Variants in USP46 observed in about 807,000 individuals in gnomAD.
USP46 encodes the protein ubiquitin carboxyl-terminal hydrolase 46.
USP46 carries 12 observed loss-of-function variants against 44.4 expected under a neutral mutation model. That is an observed-to-expected ratio of 0.27 (90% confidence interval 0.17 to 0.44). The LOEUF is 0.44. Among genes scored for constraint, USP46 ranks in the 20% least tolerant of loss-of-function variants. USP46 has a pLI of 1.00. For missense variants in USP46, 248 were observed against 444.8 expected (o/e 0.56, Z 3.98); for synonymous variants, 155 against 161.5 (o/e 0.96, Z 0.31).
intron 1 of USP46, among the ~76,000 whole-genome samples, chr4:52,632,985 A>AAGG (rs1717948812): frequency 3.8e-5 from 2 of 53,292 alleles, no homozygotes; most frequent in Non-Finnish European, 7.1e-5. Flanking sequence ...AGAAAGAAAG[A>AAGG]AAAGAAAAGA....
At chr4:52,628,330 G>C (rs960072739) in intron 2 of USP46, 167 bp from the exon 3 acceptor site, 57 of 601,980 alleles carry the variant, frequency 9.5e-5, no homozygotes, top group Admixed American at 3.0e-5. Context: ...CTAAACACCA[G>C]TGACCATCTG....
At chr4:52,617,666 GT>G (rs1290722135) in intron 4 of USP46, among the ~76,000 whole-genome samples, 4 of 152,134 alleles carry the variant, frequency 2.6e-5, no homozygotes, top group South Asian at 2.1e-4. Flanking sequence ...AAATAATGTG[GT>G]TTTTTTGGGG....
intron 5 of USP46, among the ~76,000 whole-genome samples, chr4:52,608,811 G>T (rs1302051550): frequency 2.0e-5 from 3 of 152,158 alleles, no homozygotes; most frequent in Non-Finnish European, 4.4e-5. Flanking sequence ...CATCGGCACT[G>T]GGAGAATGGG....
intron 1 of USP46, among the ~76,000 whole-genome samples, chr4:52,645,894 T>C (rs1270025730): frequency 2.0e-5 from 3 of 152,094 alleles, no homozygotes; most frequent in Non-Finnish European, 4.4e-5. Context: ...TGTTTGAAAG[T>C]GTGTGGCACT....
chr4:52,601,802 C>T (rs1560390623), intron 7 of USP46, 55 bp downstream of exon 7: 14 of 1,551,716 alleles, frequency 9.0e-6, no homozygotes, highest in East Asian at 4.5e-5. Flanking sequence ...TATACTTCAG[C>T]GAAGAGGCAA....
At chr4:52,605,408 C>T (rs1198222085) in intron 5 of USP46, among the ~76,000 whole-genome samples, 1 of 152,148 alleles carries the variant, frequency 6.6e-6, no homozygotes, top group African/African-American at 2.4e-5. Flanking sequence ...GCTTCAAAGG[C>T]TGAAAAGAAC....
rs28482298 is a variant in USP46 at position 52,597,558 on chromosome 4, G to A, written c.*82C>T. 6,969 of 918,348 alleles carry A rather than the reference G, an allele frequency of 7.6e-3. 94 individuals are homozygous for A. The highest frequency in any genetic ancestry group is 0.047 in the East Asian group (1,767 of 37,546). 56.9% of individuals were successfully genotyped at this position (918,348 alleles called of 1,614,324 possible). A position where few individuals can be genotyped will look rare whatever the true frequency, so the allele number is the denominator to read the frequency against. On this transcript the variant is annotated 3_prime_UTR_variant, in exon 9 of 9. Transcript: ENST00000441222. ...AGTGATACCATTAGTGGGCCACTGG[G>A]GAAGAGGAAAGCCTGCGGAGAAGCC... is the stretch of plus-strand genomic sequence containing the variant.
At chr4:52,626,592 G>A (rs867215848) in intron 3 of USP46, among the ~76,000 whole-genome samples, 2 of 151,952 alleles carry the variant, frequency 1.3e-5, no homozygotes, top group Middle Eastern at 3.2e-3. Context: ...CAAAGTGCCG[G>A]GATTACAGAC....
intron 1 of USP46, among the ~76,000 whole-genome samples, chr4:52,645,150 G>T (rs569392673): frequency 1.3e-5 from 2 of 151,354 alleles, no homozygotes; most frequent in Non-Finnish European, 2.9e-5. Flanking sequence ...GCTTGAACCC[G>T]GGAGGCAGAA....
In USP46 at chr4:52,658,535, T is replaced by G. The variant is rs574484193; in HGVS notation, c.36+580A>C. Among the ~76,000 whole-genome samples, 4 of 152,346 alleles carry G rather than the reference T, an allele frequency of 2.6e-5. No individual in the cohort carries two copies. In the South Asian group the frequency reaches 8.3e-4, roughly 32 times the overall value. ...TTTCACAGATGGGGAAACTGAGGCATGCGGAGCAAATTACGGTGCTTTTTC... is the reference window on the plus strand; with the variant it reads ...TTTCACAGATGGGGAAACTGAGGCAGGCGGAGCAAATTACGGTGCTTTTTC... On this transcript the variant is annotated intron_variant, in intron 1 of 8. Coordinates refer to ENST00000441222, the MANE Select transcript of USP46 (RefSeq NM_022832.4).
chr4:52,640,256 G>C (rs1370956246), intron 1 of USP46, among the ~76,000 whole-genome samples: 1 of 152,104 alleles, frequency 6.6e-6, no homozygotes, highest in South Asian at 2.1e-4. Context: ...CTGTAAATGT[G>C]GTTCATTCCA....
At chr4:52,644,092 C>T (rs1388325602) in intron 1 of USP46, among the ~76,000 whole-genome samples, 2 of 152,144 alleles carry the variant, frequency 1.3e-5, no homozygotes, top group African/African-American at 4.8e-5. Flanking sequence ...CATATCACCA[C>T]GGAGCCCCTG....
At chr4:52,628,865 C>G (rs1301898549) in intron 2 of USP46, among the ~76,000 whole-genome samples, 1 of 152,180 alleles carries the variant, frequency 6.6e-6, no homozygotes, top group Non-Finnish European at 1.5e-5. Context: ...AAGTTCCTAG[C>G]CTGCAATCAC....
Position 52,659,132 on chromosome 4 carries a change from C to A in USP46, c.19G>T (p.Ala7Ser). MTVRNI[A>S]SICNMGTNAS... ...CCACTCACCATATTACAGATGGAGG[C>A]GATGTTTCGGACAGTCATTAGTCTA... Residue 7 changes from alanine to serine, a missense_variant, in exon 1 of 9, where the codon GCC (alanine) becomes TCC (serine). Physicochemically the swap from Ala to Ser is moderately conservative, Grantham distance 99. This residue lies in a region of USP46 where 31 missense variants were observed against 32.5 expected (regional missense o/e 0.96). Coordinates refer to ENST00000441222, the MANE Select transcript of USP46 (RefSeq NM_022832.4). This position sits in a 1 kb window ranked among gnomAD's most constrained non-coding sequence, Gnocchi z 4.2. 6.4e-7 allele frequency: 1 copy of A among 1,568,478 alleles called. No individual in the cohort carries two copies. Among genetic ancestry groups the A allele is most frequent in the Non-Finnish European group, 8.6e-7 (1 of 1,158,516 alleles).
intron 1 of USP46, among the ~76,000 whole-genome samples, chr4:52,649,432 C>A (rs1193124825): frequency 6.6e-6 from 1 of 152,194 alleles, no homozygotes; most frequent in Non-Finnish European, 1.5e-5. Flanking sequence ...AAACAGGATT[C>A]TGAATTCCAA....
chr4:52,606,427 A>G (rs1253003730), intron 5 of USP46, among the ~76,000 whole-genome samples: 1 of 152,240 alleles, frequency 6.6e-6, no homozygotes, highest in Non-Finnish European at 1.5e-5. Context: ...CCTCACAATC[A>G]TGGCAGAAGG....
chr4:52,598,495 T>G (rs1203567102), intron 8 of USP46, 133 bp downstream of exon 8: 26 of 1,013,214 alleles, frequency 2.6e-5, no homozygotes, highest in Admixed American at 2.5e-4. Context: ...AATTTGGTTT[T>G]GAATACAAAT....
At position 52,597,607 on chromosome 4, in the gene USP46, T is replaced by C; in HGVS notation, c.*33A>G. The C allele has an allele frequency of 6.9e-7, 1 of 1,458,454 alleles. No individual in the cohort carries two copies. The highest frequency in any genetic ancestry group is 9.4e-7 in the Non-Finnish European group (1 of 1,062,580). 90.3% of individuals were successfully genotyped at this position (1,458,454 alleles called of 1,614,324 possible). On this transcript the variant is annotated 3_prime_UTR_variant, in exon 9 of 9. Transcript: ENST00000441222. ...CCGGGTGACAGTGCTGTGAACATTCTCCCCACGTGAATCAGTCCCGCAGGT... is the reference window on the plus strand; with the variant it reads ...CCGGGTGACAGTGCTGTGAACATTCCCCCCACGTGAATCAGTCCCGCAGGT...
At position 52,595,945 on chromosome 4, in the gene USP46, G is replaced by A; in HGVS notation, c.*1695C>T. ...AAAAAATATTTATAAATGTGAAATT[G>A]CCTCTAAACAAGGCAAGGTACATTT... On this transcript the variant is annotated 3_prime_UTR_variant, in exon 9 of 9. Coordinates refer to ENST00000441222, the MANE Select transcript of USP46 (RefSeq NM_022832.4). The A allele has an allele frequency of 6.6e-6, 1 of 152,516 alleles. No homozygotes were observed. Among genetic ancestry groups the A allele is most frequent in the Non-Finnish European group, 1.5e-5 (1 of 68,018 alleles). 9.4% of individuals were successfully genotyped at this position (152,516 alleles called of 1,614,324 possible). A position where few individuals can be genotyped will look rare whatever the true frequency, so the allele number is the denominator to read the frequency against.
Sources: gnomAD v4.1 joint callset for allele counts (sites outside exome capture counted in the v4.1 genomes callset) on GRCh38, gnomAD v4.1.1 for gene constraint, gnomAD v4.1.1 regional missense constraint, Gnocchi (gnomAD v3.1) non-coding constraint, MANE v1.5 for transcripts, NCBI Gene and HGNC (gene_info 2026-07-23, HGNC 2026-07-21) for gene names.